Variants in ASTN2 observed in about 807,000 individuals in gnomAD.
The protein encoded by ASTN2 is astrotactin 2, also known as astrotactin-2.
In ASTN2, 54 loss-of-function variants were observed where a neutral mutation model predicts 139.8. The observed-to-expected ratio is 0.39, with a 90% CI of 0.31 to 0.48. The LOEUF is 0.48. ASTN2 is among the 20% of genes least tolerant of loss of function. The pLI is 0.95. For synonymous variants in ASTN2, 756 were observed against 719.5 expected (o/e 1.05, Z -0.81); for missense variants, 1,565 against 1,725.1 (o/e 0.91, Z 1.64).
At chr9:116,445,064 A>G (rs1042407971) in intron 20 of ASTN2, among the ~76,000 whole-genome samples, 1 of 152,220 alleles carries the variant, frequency 6.6e-6, no homozygotes, top group African/African-American at 2.4e-5. Context: ...GCTAGCATGC[A>G]TGACTCATAG....
chr9:117,188,263 G>C (rs145448818), intron 3 of ASTN2, among the ~76,000 whole-genome samples: 8 of 152,074 alleles, frequency 5.3e-5, no homozygotes, highest in Non-Finnish European at 1.2e-4. Flanking sequence ...ACATCAATAT[G>C]TCGAAATTAG....
chr9:116,575,658 T>C (rs887663330), intron 19 of ASTN2, among the ~76,000 whole-genome samples: 1 of 152,168 alleles, frequency 6.6e-6, no homozygotes, highest in Non-Finnish European at 1.5e-5. Context: ...GAAAAGGCAC[T>C]GTCTGAGAGA....
chr9:117,166,060 T>A (rs940794041), intron 3 of ASTN2, among the ~76,000 whole-genome samples: 2 of 152,074 alleles, frequency 1.3e-5, no homozygotes, highest in African/African-American at 2.4e-5. Flanking sequence ...TTATTAGTAA[T>A]TATATAAGAC....
intron 20 of ASTN2, among the ~76,000 whole-genome samples, chr9:116,479,300 G>A (rs1179873241): frequency 6.6e-6 from 1 of 152,198 alleles, no homozygotes; most frequent in Admixed American, 6.5e-5. Flanking sequence ...AATGAAGAGG[G>A]TAGGGTAGGA....
At chr9:116,912,972 C>T (rs570691981) in intron 10 of ASTN2, among the ~76,000 whole-genome samples, 5 of 150,448 alleles carry the variant, frequency 3.3e-5, no homozygotes, top group Admixed American at 2.6e-4. Flanking sequence ...GATCTCGGCT[C>T]GGCTCACGGC....
At chr9:116,680,666 C>T (rs1001479050) in intron 16 of ASTN2, among the ~76,000 whole-genome samples, 6 of 152,130 alleles carry the variant, frequency 3.9e-5, no homozygotes, top group African/African-American at 1.2e-4. Context: ...CATCAAAAAG[C>T]GTATCCACCA....
chr9:117,079,168 C>A (rs570969571), intron 5 of ASTN2, among the ~76,000 whole-genome samples: 3 of 152,232 alleles, frequency 2.0e-5, no homozygotes, highest in African/African-American at 7.2e-5. Context: ...CCAGCCTGGG[C>A]AACATAGTAA....
intron 2 of ASTN2, among the ~76,000 whole-genome samples, chr9:117,276,612 G>A (rs938059334): frequency 1.3e-5 from 2 of 152,188 alleles, no homozygotes; most frequent in East Asian, 1.9e-4. Context: ...AACAGGAACC[G>A]AAGAGGGTGT....
chr9:117,361,294 C>T (rs1829686112), intron 1 of ASTN2, among the ~76,000 whole-genome samples: 1 of 152,188 alleles, frequency 6.6e-6, no homozygotes. Flanking sequence ...CAAAAGGAAA[C>T]AGGATTCACC....
At chr9:117,177,864 C>A (rs1830957219) in intron 3 of ASTN2, among the ~76,000 whole-genome samples, 1 of 152,110 alleles carries the variant, frequency 6.6e-6, no homozygotes, top group Admixed American at 6.5e-5. Context: ...GGGGCCCCTT[C>A]AGGAATAAAT....
intron 10 of ASTN2, among the ~76,000 whole-genome samples, chr9:116,873,915 C>A (rs913040013): frequency 6.6e-5 from 10 of 152,220 alleles, no homozygotes; most frequent in Non-Finnish European, 1.3e-4. Context: ...GAGGCCTCCC[C>A]AGCTATGCTT....
In ASTN2 at chr9:116,961,299, T is replaced by A. The variant is rs1165393120; in HGVS notation, c.1889+13909A>T. On this transcript the variant is annotated intron_variant, in intron 10 of 22. Coordinates refer to ENST00000313400, the MANE Select transcript of ASTN2 (RefSeq NM_001365068.1). ...GTGTATTCATATTGGTGTGCCATCA[T>A]CACCACCATCTATCTCCAGAAGTCT... is the stretch of plus-strand genomic sequence containing the variant. Among the ~76,000 whole-genome samples, 7 of 152,016 alleles carry A rather than the reference T, an allele frequency of 4.6e-5. No homozygotes were observed. In the East Asian group the frequency reaches 1.4e-3, roughly 30 times the overall value.
chr9:116,740,275 T>A (rs1272421549), intron 13 of ASTN2, among the ~76,000 whole-genome samples: 1 of 152,230 alleles, frequency 6.6e-6, no homozygotes, highest in Middle Eastern at 3.2e-3. Flanking sequence ...AAATACATCT[T>A]TTCTATCACT....
At chr9:117,309,480 T>C (rs1351123784) in intron 1 of ASTN2, among the ~76,000 whole-genome samples, 2 of 152,136 alleles carry the variant, frequency 1.3e-5, no homozygotes, top group Non-Finnish European at 2.9e-5. Context: ...TGGCAGGCCA[T>C]GCGTTTTTAA....
intron 13 of ASTN2, among the ~76,000 whole-genome samples, chr9:116,749,044 G>T (rs967025232): frequency 6.6e-6 from 1 of 152,010 alleles, no homozygotes; most frequent in Non-Finnish European, 1.5e-5. Flanking sequence ...CCCGTCCCCT[G>T]TGTAGATCTA....
At chr9:116,848,704 C>A (rs116016749) in intron 11 of ASTN2, among the ~76,000 whole-genome samples, 1 of 152,178 alleles carries the variant, frequency 6.6e-6, no homozygotes, top group African/African-American at 2.4e-5. Context: ...ACCACACAAT[C>A]AACACAGAAC....
At chr9:117,301,852 A>G (rs1264134211) in intron 1 of ASTN2, among the ~76,000 whole-genome samples, 1 of 152,140 alleles carries the variant, frequency 6.6e-6, no homozygotes, top group African/African-American at 2.4e-5. Context: ...CACTGGGTTG[A>G]CCTTTAACAA....
At chr9:117,151,527 A>ATGGTATGTGTAGGGAACT (rs1830326560) in intron 3 of ASTN2, among the ~76,000 whole-genome samples, 1 of 152,122 alleles carries the variant, frequency 6.6e-6, no homozygotes, top group Admixed American at 6.5e-5. Flanking sequence ...GATAATGAAA[A>ATGGTATGTGTAGGGAACT]CAGAGTGTGC....
At chr9:117,385,325 C>T (rs952253797) in intron 1 of ASTN2, among the ~76,000 whole-genome samples, 1 of 152,028 alleles carries the variant, frequency 6.6e-6, no homozygotes, top group Non-Finnish European at 1.5e-5. Context: ...CTACTGGGAA[C>T]CATAACTCAA....
Sources: allele counts gnomAD v4.1 joint callset (sites outside exome capture counted in the v4.1 genomes callset), GRCh38; gene constraint gnomAD v4.1.1; transcripts MANE v1.5; gene names NCBI Gene and HGNC (gene_info 2026-07-23, HGNC 2026-07-21).